Variants in WDR19 observed in about 807,000 individuals in gnomAD.
The protein encoded by WDR19 is WD repeat-containing protein 19.
In WDR19, 121 loss-of-function variants were observed where a neutral mutation model predicts 180.0. The observed-to-expected ratio is 0.67, with a 90% CI of 0.58 to 0.78. The LOEUF is 0.78. WDR19 is among the 30% of genes least tolerant of loss of function. The pLI is 0.00. For missense variants in WDR19, 1,450 were observed against 1,640.7 expected (o/e 0.88, Z 2.01); for synonymous variants, 497 against 540.7 (o/e 0.92, Z 1.12).
chr4:39,277,776 G>A (rs1411802204), intron 34 of WDR19, among the ~76,000 whole-genome samples: 1 of 152,178 alleles, frequency 6.6e-6, no homozygotes, highest in African/African-American at 2.4e-5. Flanking sequence ...ATAACAGGCA[G>A]GGTACAGTGG....
rs559117989 is a variant in WDR19 at position 39,285,643 on chromosome 4, T to C, written c.*170T>C. On this transcript the variant is annotated 3_prime_UTR_variant, in exon 37 of 37. Coordinates refer to ENST00000399820, the MANE Select transcript of WDR19 (RefSeq NM_025132.4). The stretch of plus-strand genomic sequence containing the variant: ...TCTGTACGGTGGCAAAACGATGACA[T>C]GTAACCTTGCTGTTTATTGTACTTT... 6.6e-6 allele frequency: 1 copy of C among 152,242 alleles called. No homozygotes were observed. Among genetic ancestry groups the C allele is most frequent in the Non-Finnish European group, 1.5e-5 (1 of 68,052 alleles). The allele number at this position is 152,242 out of a possible 1,614,324, so 9.4% of individuals were successfully genotyped here.
intron 20 of WDR19, among the ~76,000 whole-genome samples, chr4:39,238,597 T>C (rs1370241698): frequency 6.6e-6 from 1 of 152,182 alleles, no homozygotes; most frequent in East Asian, 1.9e-4. Flanking sequence ...ATCAGGTCCA[T>C]ACTGGTAATT....
chr4:39,231,827 T>C lies in WDR19; in HGVS notation c.2013T>C (p.Ile671=), dbSNP rs370773945. 6 of 1,599,352 alleles carry C rather than the reference T, an allele frequency of 3.8e-6. No individual in the cohort carries two copies. The highest frequency in any genetic ancestry group is 5.1e-6 in the Non-Finnish European group (6 of 1,167,914). The change falls in exon 18 of 37, where the codon ATT becomes ATC. Residue 671 remains isoleucine, a synonymous_variant. Transcript: ENST00000399820. ...RFSDAWEMCR[I]LNDEAAWNEL... is the part of the protein sequence containing the mutation. The stretch of plus-strand genomic sequence containing the variant: ...CTGATGCTTGGGAAATGTGCAGGAT[T>C]CTGAATGATGAGGCTGCCTGGAATG...
chr4:39,269,508 T>C (rs2109495094), intron 30 of WDR19, among the ~76,000 whole-genome samples: 1 of 152,270 alleles, frequency 6.6e-6, no homozygotes, highest in Middle Eastern at 3.4e-3. Context: ...GACACCACCA[T>C]TTTTCACCAG....
rs985717768 is a variant in WDR19, at chr4:39,189,842, G to A, written c.290+61G>A. The A allele has an allele frequency of 5.9e-6, 9 of 1,515,792 alleles. No homozygotes were observed. The East Asian group carries it at 1.7e-4, about 29-fold the overall frequency. 93.9% of individuals were successfully genotyped at this position (1,515,792 alleles called of 1,614,324 possible). A position where few individuals can be genotyped will look rare whatever the true frequency, so the allele number is the denominator to read the frequency against. Reference sequence around the variant, plus strand: ...AGAAACATGAATATTTGTAGGTTTGGTGCTAACAATTCTTTACTACTTTCA... The same window carrying A: ...AGAAACATGAATATTTGTAGGTTTGATGCTAACAATTCTTTACTACTTTCA... On this transcript the variant is annotated intron_variant, in intron 4 of 36. Coordinates refer to ENST00000399820, the MANE Select transcript of WDR19 (RefSeq NM_025132.4).
intron 36 of WDR19, among the ~76,000 whole-genome samples, chr4:39,281,215 G>GTATA (rs1553919965): frequency 1.5e-4 from 16 of 110,132 alleles, no homozygotes; most frequent in East Asian, 6.9e-4. Flanking sequence ...ATGTGTGTGT[G>GTATA]TATATATATA....
intron 30 of WDR19, among the ~76,000 whole-genome samples, chr4:39,269,111 C>T (rs1002772610): frequency 2.6e-5 from 4 of 151,956 alleles, no homozygotes; most frequent in African/African-American, 9.7e-5. Flanking sequence ...AAGGCTGCAG[C>T]ATTTACACAC....
In WDR19 at chr4:39,282,618, G is replaced by A. The variant is rs536540212; in HGVS notation, c.*14-2869G>A. On this transcript the variant is annotated intron_variant, in intron 36 of 36. Coordinates refer to ENST00000399820, the MANE Select transcript of WDR19 (RefSeq NM_025132.4). The stretch of plus-strand genomic sequence containing the variant: ...TCACCATGTTGGCCAGGCTGGTCTT[G>A]AACTCCTGACCTCAGGTAATCCACC... Among the ~76,000 whole-genome samples the A allele has an allele frequency of 2.0e-3, 311 of 152,136 alleles. 2 individuals are homozygous for A. The highest frequency in any genetic ancestry group is 7.0e-3 in the African/African-American group (292 of 41,490).
Position 39,249,703 on chromosome 4 carries a change from A to G in WDR19, c.2730-3443A>G, listed in dbSNP as rs568230066. Among the ~76,000 whole-genome samples, 29 of 152,362 alleles carry G rather than the reference A, an allele frequency of 1.9e-4. 1 individual carries two copies. The South Asian group carries it at 5.8e-3, about 30-fold the overall frequency. ...ACAGACATACAAACTGCCATCAGAG[A>G]ATACTATAAACACCTTTACACAAAT... On this transcript the variant is annotated intron_variant, in intron 24 of 36. Coordinates refer to ENST00000399820, the MANE Select transcript of WDR19 (RefSeq NM_025132.4).
At position 39,182,536 on chromosome 4, in the gene WDR19, G is replaced by T. The variant is rs759574294; in HGVS notation, c.-22G>T. The T allele has an allele frequency of 1.2e-6, 2 of 1,613,818 alleles. 1 individual carries two copies. Among genetic ancestry groups the T allele is most frequent in the South Asian group, 2.2e-5 (2 of 91,042 alleles). On this transcript the variant is annotated 5_prime_UTR_variant, in exon 1 of 37. Transcript: ENST00000399820. Reference sequence around the variant, plus strand: ...GGTGCGCCTGCGTACTTCATAGTTCGCGTAGCGGCTCGAGCGTGGAGATGA... The same window carrying T: ...GGTGCGCCTGCGTACTTCATAGTTCTCGTAGCGGCTCGAGCGTGGAGATGA...
At chr4:39,281,234 T>TAGAGAGAGAGAGAGAGAG (rs1189043858) in intron 36 of WDR19, among the ~76,000 whole-genome samples, 58 of 108,334 alleles carry the variant, frequency 5.4e-4, no homozygotes, top group African/African-American at 1.0e-3. Context: ...TATATATATA[T>TAGAGAGAGAGAGAGAGAG]ATAGAGAGAG....
rs1343665575 is a variant in WDR19 at position 39,228,313 on chromosome 4, A to G, written c.1733A>G (p.Asp578Gly). Residue 578 changes from aspartate (D) to glycine (G), a missense_variant, in exon 16 of 37, where the codon GAT becomes GGT. Transcript: ENST00000399820. ...AAAGGTGTATTTATTGCTTATGATGATGATAAGGTGTACACTTATGTCTTT... is the reference window on the plus strand; with the variant it reads ...AAAGGTGTATTTATTGCTTATGATGGTGATAAGGTGTACACTTATGTCTTT... ...MDKGVFIAYDDDKVYTYVFHK... is the reference protein window; with the variant it reads ...MDKGVFIAYDGDKVYTYVFHK... The G allele has an allele frequency of 6.2e-6, 10 of 1,613,398 alleles. No individual in the cohort carries two copies. Among genetic ancestry groups the G allele is most frequent in the Non-Finnish European group, 7.6e-6 (9 of 1,179,546 alleles).
intron 19 of WDR19, 138 bp from the exon 20 acceptor site, chr4:39,234,628 A>G (rs1320280272): frequency 2.1e-5 from 14 of 668,282 alleles, no homozygotes; most frequent in Non-Finnish European, 3.7e-5. Flanking sequence ...CTATAGTAAT[A>G]TATTATCATT....
At position 39,253,876 on chromosome 4, in the gene WDR19, A is replaced by G. The variant is rs33997556; in HGVS notation, c.2877-30A>G. 163,462 of 1,548,304 alleles carry G rather than the reference A, an allele frequency of 0.11. 9,496 individuals are homozygous for G. The highest frequency in any genetic ancestry group is 0.19 in the East Asian group (8,008 of 43,258). ...TTGTAAATCACAAATTTATATTAAG[A>G]GTCTAGCTAATTAAAGTACTTTGCT... On this transcript the variant is annotated intron_variant, in intron 25 of 36. Coordinates refer to ENST00000399820, the MANE Select transcript of WDR19 (RefSeq NM_025132.4).
chr4:39,284,331 A>ATTTTTTTTTT (rs143848496), intron 36 of WDR19, among the ~76,000 whole-genome samples: 1 of 91,530 alleles, frequency 1.1e-5, no homozygotes, highest in Non-Finnish European at 2.0e-5. Flanking sequence ...AGTAAAAAAA[A>ATTTTTTTTTT]TTTTTTTTTT....
intron 4 of WDR19, among the ~76,000 whole-genome samples, chr4:39,191,630 G>A (rs1283321206): frequency 6.6e-6 from 1 of 152,072 alleles, no homozygotes; most frequent in African/African-American, 2.4e-5. Context: ...TATGTAACTG[G>A]GATATAGCCA....
intron 24 of WDR19, among the ~76,000 whole-genome samples, chr4:39,250,679 G>A (rs1458022355): frequency 1.3e-5 from 2 of 152,178 alleles, no homozygotes; most frequent in Non-Finnish European, 2.9e-5. Flanking sequence ...CAAAATCAAT[G>A]TGCCAAAATC....
At chr4:39,240,934 C>T (rs886326828) in intron 21 of WDR19, among the ~76,000 whole-genome samples, 14 of 145,160 alleles carry the variant, frequency 9.6e-5, no homozygotes, top group Non-Finnish European at 1.8e-4. Flanking sequence ...CCAGCCTGGA[C>T]GACAGAGCGA....
intron 14 of WDR19, among the ~76,000 whole-genome samples, chr4:39,220,495 T>A (rs543925041): frequency 7.4e-4 from 111 of 150,908 alleles, no homozygotes; most frequent in African/African-American, 2.6e-3. Context: ...TTTAGTTTTT[T>A]AAATTATTTT....
Sources: gnomAD v4.1 joint callset for allele counts (sites outside exome capture counted in the v4.1 genomes callset) on GRCh38, gnomAD v4.1.1 for gene constraint, MANE v1.5 for transcripts, NCBI Gene and HGNC (gene_info 2026-07-23, HGNC 2026-07-21) for gene names.